The following SCAF11 variants were observed in gnomAD, a reference collection of about 807,000 sequenced individuals.
SCAF11 encodes protein SCAF11.
SCAF11 carries 47 observed loss-of-function variants against 140.5 expected under a neutral mutation model. The observed-to-expected ratio is 0.33, with a 90% CI of 0.26 to 0.43. The LOEUF (loss-of-function observed/expected upper bound fraction) is 0.43, where lower values mean the gene tolerates loss of function less well. SCAF11 is among the 20% of genes least tolerant of loss of function. The probability of loss-of-function intolerance (pLI) is 1.00; values close to 1 mark genes in which losing one functional copy is unlikely to be tolerated. For missense variants in SCAF11, 1,645 were observed against 1,705.1 expected, an observed-to-expected ratio of 0.96 and a Z score of 0.62; for synonymous variants, 557 against 579.4, an observed-to-expected ratio of 0.96 and a Z score of 0.55.
At position 45,954,614 on chromosome 12, in the gene SCAF11, C is replaced by T. The variant is rs117034579; in HGVS notation, c.220-2887G>A. On this transcript the variant is annotated intron_variant, in intron 3 of 14. Transcript: ENST00000369367. ...ACACAGGGTTTCACTCTGTCGCCCA[C>T]GCTGGAGTGCAGTCACCTGATCACA... 4.8e-3 allele frequency: 715 copies of T among 149,070 alleles called. 14 individuals are homozygous for T. The South Asian group carries it at 0.067, about 14-fold the overall frequency. 9.2% of individuals were successfully genotyped at this position (149,070 alleles called of 1,614,324 possible). A position where few individuals can be genotyped will look rare whatever the true frequency, so the allele number is the denominator to read the frequency against.
chr12:45,982,407 T>TA (rs1245081479), intron 1 of SCAF11, among the ~76,000 whole-genome samples: 3 of 152,016 alleles, frequency 2.0e-5, no homozygotes, highest in East Asian at 3.9e-4. Context: ...ATATTTACAT[T>TA]AAAAAATCAC....
chr12:45,921,933 T>C lies in SCAF11; in HGVS notation c.*115A>G. On this transcript the variant is annotated 3_prime_UTR_variant, in exon 15 of 15. Coordinates refer to ENST00000369367, the MANE Select transcript of SCAF11 (RefSeq NM_004719.3). ...AACATCATATCCTATGTTAAAAAAA[T>C]AATTTTATCAAAACCAAATTTCAAT... is the stretch of plus-strand genomic sequence containing the variant. The C allele has an allele frequency of 8.1e-7, 1 of 1,241,278 alleles. No individual in the cohort carries two copies. Among genetic ancestry groups the C allele is most frequent in the Non-Finnish European group, 1.1e-6 (1 of 894,380 alleles). The allele number at this position is 1,241,278 out of a possible 1,614,324, so 76.9% of individuals were successfully genotyped here.
chr12:45,961,663 G>A, intron 3 of SCAF11, 37 bp downstream of exon 3: 1 of 1,519,044 alleles, frequency 6.6e-7, no homozygotes, highest in Non-Finnish European at 8.9e-7. Context: ...ATGAAATCAT[G>A]CTAGGAAATT....
intron 2 of SCAF11, among the ~76,000 whole-genome samples, chr12:45,963,279 T>C (rs1033628143): frequency 6.6e-5 from 10 of 151,958 alleles, no homozygotes; most frequent in Non-Finnish European, 1.5e-5. Flanking sequence ...GAAATAAAAA[T>C]AATCCATGCC....
At chr12:45,946,953 A>G (rs1028154029) in intron 5 of SCAF11, among the ~76,000 whole-genome samples, 2 of 152,184 alleles carry the variant, frequency 1.3e-5, no homozygotes, top group Non-Finnish European at 2.9e-5. Flanking sequence ...AGCAGAAGGG[A>G]TCTGAATCAT....
At position 45,927,121 on chromosome 12, in the gene SCAF11, C is replaced by T; in HGVS notation, c.2580G>A (p.Arg860=). The change falls in exon 11 of 15, where the codon AGG becomes AGA. Residue 860 remains arginine (R), a synonymous_variant. Transcript: ENST00000369367. ...SPKKDIARER[R]QSQSRSPKRD... is the part of the protein sequence containing the mutation. ...TTTTTGGAGACCGAGACTGAGATTG[C>T]CTCCTTTCTCTTGCAATATCCTTTT... 1 of 1,614,162 alleles carries T rather than the reference C, an allele frequency of 6.2e-7. No homozygotes were observed. The highest frequency in any genetic ancestry group is 8.5e-7 in the Non-Finnish European group (1 of 1,180,014).
chr12:45,961,840 T>C lies in SCAF11; in HGVS notation c.79A>G (p.Asn27Asp). ...TACAACAGACCAGTGGAAATAGTAT[T>C]ATCTCCGTTTTCTTCACCTGTTAAA... ...EDMEGEENGD[N>D]TISTGLLYSE... Residue 27 changes from asparagine to aspartate, a missense_variant, in exon 3 of 15, where the codon AAT becomes GAT. Around this residue, in one of 2 missense-constraint regions of SCAF11, gnomAD observed 1,582 missense variants for 1,609.2 expected, o/e 0.98. Coordinates refer to ENST00000369367, the MANE Select transcript of SCAF11 (RefSeq NM_004719.3). 1 of 1,601,936 alleles carries C rather than the reference T, an allele frequency of 6.2e-7. No homozygotes were observed. Among genetic ancestry groups the C allele is most frequent in the South Asian group, 1.1e-5 (1 of 88,286 alleles).
At position 45,934,233 on chromosome 12, in the gene SCAF11, T is replaced by C. The variant is rs750912567; in HGVS notation, c.575A>G (p.Asn192Ser). ...TNQCFRNFFS[N>S]MFSSVSHSGE... is the part of the protein sequence containing the mutation. The stretch of plus-strand genomic sequence containing the variant: ...AGAGTGGCTAACAGAAGAAAACATA[T>C]TGGAGAAAAAATTTCTGAAGCACTG... The change falls in exon 8 of 15, where the codon AAT becomes AGT. Residue 192 changes from asparagine (N) to serine (S), a missense_variant. Around this residue, in one of 2 missense-constraint regions of SCAF11, gnomAD observed 1,582 missense variants for 1,609.2 expected, o/e 0.98. Transcript: ENST00000369367. 2.5e-6 allele frequency: 4 copies of C among 1,611,920 alleles called. No individual in the cohort carries two copies. The highest frequency in any genetic ancestry group is 2.2e-5 in the East Asian group (1 of 44,734).
At chr12:45,973,366 T>C (rs1161552112) in intron 1 of SCAF11, among the ~76,000 whole-genome samples, 1 of 135,070 alleles carries the variant, frequency 7.4e-6, no homozygotes, top group East Asian at 2.1e-4. Flanking sequence ...AAAAGGAAAA[T>C]CACTGCAGAA....
Position 45,961,781 on chromosome 12 carries a change from A to G in SCAF11, c.138T>C (p.Asn46=). ...AACCAACTTCCTTTTCTAATAGACA[A>G]TTAAGACATATTGGGCATCTGTCAG... ...SEADRCPICL[N]CLLEKEVGFP... The change falls in exon 3 of 15, where the codon AAT becomes AAC. Residue 46 remains asparagine, a synonymous_variant. Transcript: ENST00000369367. 2 of 1,613,108 alleles carry G rather than the reference A, an allele frequency of 1.2e-6. No individual in the cohort carries two copies. Among genetic ancestry groups the G allele is most frequent in the South Asian group, 1.1e-5 (1 of 91,010 alleles).
At position 45,924,885 on chromosome 12, in the gene SCAF11, T is replaced by A. The variant is rs1445943098; in HGVS notation, c.3749A>T (p.His1250Leu). 1 of 1,614,132 alleles carries A rather than the reference T, an allele frequency of 6.2e-7. No individual in the cohort carries two copies. Among genetic ancestry groups the A allele is most frequent in the South Asian group, 1.1e-5 (1 of 91,088 alleles). Residue 1250 changes from histidine to leucine, a missense_variant, in exon 12 of 15, where the codon CAT (histidine) becomes CTT (leucine). This residue lies in a region of SCAF11 where 1,582 missense variants were observed against 1,609.2 expected (regional missense o/e 0.98). Coordinates refer to ENST00000369367, the MANE Select transcript of SCAF11 (RefSeq NM_004719.3). ...GTGGAGATGCAAGGGTAGCTGAGGATGAATGTTAAATGGATTGCGTTGGAT... is the reference window on the plus strand; with the variant it reads ...GTGGAGATGCAAGGGTAGCTGAGGAAGAATGTTAAATGGATTGCGTTGGAT... ...MNIQRNPFNI[H>L]PQLPLHLHTG...
chr12:45,967,534 C>T (rs927346148), intron 1 of SCAF11, among the ~76,000 whole-genome samples: 1 of 152,068 alleles, frequency 6.6e-6, no homozygotes, highest in African/African-American at 2.4e-5. Flanking sequence ...ATGCCAGCTA[C>T]AAGGGAGGGT....
At chr12:45,943,388 CAAGAAGAGT>C (rs1565671554) in intron 6 of SCAF11, among the ~76,000 whole-genome samples, 3 of 152,108 alleles carry the variant, frequency 2.0e-5, no homozygotes, top group African/African-American at 7.2e-5. Context: ...ACCTTCATCA[CAAGAAGAGT>C]AAGAAGAGTA....
chr12:45,966,878 T>C (rs747421917), intron 1 of SCAF11, among the ~76,000 whole-genome samples: 1 of 152,140 alleles, frequency 6.6e-6, no homozygotes, highest in Non-Finnish European at 1.5e-5. Context: ...ATCCTAAATA[T>C]CTGAGAATAA....
At chr12:45,981,516 T>C (rs1251731033) in intron 1 of SCAF11, among the ~76,000 whole-genome samples, 2 of 152,256 alleles carry the variant, frequency 1.3e-5, no homozygotes, top group Non-Finnish European at 2.9e-5. Context: ...CATTCTCCCA[T>C]TTTCTGAGGA....
intron 2 of SCAF11, among the ~76,000 whole-genome samples, chr12:45,963,581 T>C (rs1282011188): frequency 6.6e-6 from 1 of 152,118 alleles, no homozygotes; most frequent in African/African-American, 2.4e-5. Context: ...TAAAGAAACT[T>C]CTCAGATTTA....
chr12:45,926,720 T>C lies in SCAF11; in HGVS notation c.2981A>G (p.Glu994Gly). 1 of 1,613,338 alleles carries C rather than the reference T, an allele frequency of 6.2e-7. No homozygotes were observed. The highest frequency in any genetic ancestry group is 1.1e-5 in the South Asian group (1 of 90,918). Reference protein sequence around the residue: ...YRKNDPEKQNENTRKEKNDIH... With the variant: ...YRKNDPEKQNGNTRKEKNDIH... ...GTCATTTTTTTCTTTTCTTGTATTTTCATTCTGTTTCTCTGGGTCATTCTT... is the reference window on the plus strand; with the variant it reads ...GTCATTTTTTTCTTTTCTTGTATTTCCATTCTGTTTCTCTGGGTCATTCTT... The change falls in exon 11 of 15, where the codon GAA (glutamate) becomes GGA (glycine). Residue 994 changes from glutamate (E) to glycine (G), a missense_variant. Coordinates refer to ENST00000369367, the MANE Select transcript of SCAF11 (RefSeq NM_004719.3).
intron 6 of SCAF11, among the ~76,000 whole-genome samples, chr12:45,940,945 C>T (rs1945283177): frequency 6.6e-6 from 1 of 152,152 alleles, no homozygotes; most frequent in Non-Finnish European, 1.5e-5. Flanking sequence ...GCTGGGACTA[C>T]AGGTGTGTAT....
chr12:45,927,416 A>G lies in SCAF11; in HGVS notation c.2285T>C (p.Leu762Pro), dbSNP rs201003016. ...AACAGTTTCAACCTTTTCATCCGCA[A>G]GATCAGAAGACGGCATATTATTTTC... Reference protein sequence around the residue: ...CSENNMPSSDLADEKVETVSQ... With the variant: ...CSENNMPSSDPADEKVETVSQ... The change falls in exon 11 of 15, where the codon CTT (leucine) becomes CCT (proline). Residue 762 changes from leucine (L) to proline (P), a missense_variant. This residue lies in a region of SCAF11 where 1,582 missense variants were observed against 1,609.2 expected (regional missense o/e 0.98). Transcript: ENST00000369367. 6.2e-6 allele frequency: 10 copies of G among 1,613,868 alleles called. 1 individual carries two copies. In the South Asian group the frequency reaches 7.7e-5, roughly 12 times the overall value.
Sources: allele counts gnomAD v4.1 joint callset (sites outside exome capture counted in the v4.1 genomes callset), GRCh38; gene constraint gnomAD v4.1.1; regional missense constraint gnomAD v4.1.1; transcripts MANE v1.5; gene names NCBI Gene and HGNC (gene_info 2026-07-23, HGNC 2026-07-21).